Variants in ELF1 observed in about 807,000 individuals in gnomAD.
ELF1 encodes ETS-related transcription factor Elf-1.
Under a neutral mutation model 59.9 loss-of-function variants are expected in ELF1, and 24 were observed. That is an observed-to-expected ratio of 0.40 (90% CI 0.29 to 0.56). The LOEUF is 0.56. Among genes scored for constraint, ELF1 ranks in the 20% least tolerant of loss-of-function variants. The pLI is 0.44. For synonymous variants in ELF1, 248 were observed against 266.2 expected (o/e 0.93, Z 0.67); for missense variants, 627 against 742.2 (o/e 0.84, Z 1.80).
chr13:40,965,595 T>A (rs562733346), intron 2 of ELF1, among the ~76,000 whole-genome samples: 1 of 152,000 alleles, frequency 6.6e-6, no homozygotes, highest in Admixed American at 6.6e-5. Flanking sequence ...CACTCCAACC[T>A]GGGTGATAGA....
chr13:41,015,784 C>T (rs761392593), intron 1 of ELF1, among the ~76,000 whole-genome samples: 21 of 152,062 alleles, frequency 1.4e-4, no homozygotes, highest in Admixed American at 2.6e-4. Flanking sequence ...TAAAGATGTG[C>T]CATCTTTAAC....
rs201843324 is a variant in ELF1 at position 41,043,939 on chromosome 13, G to A, written c.-229+16899C>T. Among the ~76,000 whole-genome samples the A allele has an allele frequency of 2.0e-4, 30 of 152,274 alleles. 1 individual carries two copies. In the East Asian group the frequency reaches 5.0e-3, roughly 25 times the overall value. ...TTCTGCCTATCCATGAGCATGGAAT[G>A]TTCTTCCATTTGTTTGTGTCCTCTT... On this transcript the variant is annotated intron_variant, in intron 1 of 1. Transcript: ENST00000405737.
rs1221729054 is a variant in ELF1, at chr13:40,940,961, T to C, written c.1216A>G (p.Met406Val). ...PEGEAARTST[M>V]QDETLNSSVQ... is the part of the protein sequence containing the mutation. Reference sequence around the variant, plus strand: ...GAAGAATTTAATGTTTCATCCTGCATGGTACTGGTTCTAGCTGCTTCTCCC... The same window carrying C: ...GAAGAATTTAATGTTTCATCCTGCACGGTACTGGTTCTAGCTGCTTCTCCC... The change falls in exon 8 of 9, where the codon ATG becomes GTG. Residue 406 changes from methionine to valine, a missense_variant. Physicochemically the swap from Met to Val is conservative, Grantham distance 21 (BLOSUM62 1). Around this residue, in one of 3 missense-constraint regions of ELF1, gnomAD observed 361 missense variants for 396.1 expected, o/e 0.91. Transcript: ENST00000239882. The C allele has an allele frequency of 4.3e-6, 7 of 1,614,032 alleles. No homozygotes were observed. The highest frequency in any genetic ancestry group is 1.1e-5 in the South Asian group (1 of 91,080).
chr13:40,940,322 T>A (rs1336220838), intron 8 of ELF1, among the ~76,000 whole-genome samples: 1 of 144,110 alleles, frequency 6.9e-6, no homozygotes, highest in Non-Finnish European at 1.5e-5. Context: ...GGCAGACAGA[T>A]CCTCTCAGTC....
At chr13:41,053,725 T>C (rs1566201988) in intron 1 of ELF1, among the ~76,000 whole-genome samples, 1 of 152,258 alleles carries the variant, frequency 6.6e-6, no homozygotes. Flanking sequence ...AACTGAAACA[T>C]TTCCTGAGTT....
chr13:40,980,921 G>A (rs1873222899), intron 2 of ELF1, among the ~76,000 whole-genome samples: 1 of 152,000 alleles, frequency 6.6e-6, no homozygotes, highest in Non-Finnish European at 1.5e-5. Flanking sequence ...AGCTCATCCT[G>A]CTGTTAAGGC....
chr13:40,933,294 CA>C lies in ELF1; in HGVS notation c.*130del. The C allele has an allele frequency of 8.2e-7, 1 of 1,224,064 alleles. No homozygotes were observed. Among genetic ancestry groups the C allele is most frequent in the Non-Finnish European group, 1.1e-6 (1 of 907,596 alleles). The allele number at this position is 1,224,064 out of a possible 1,614,324, so 75.8% of individuals were successfully genotyped here. A position where few individuals can be genotyped will look rare whatever the true frequency, so the allele number is the denominator to read the frequency against. On this transcript the variant is annotated 3_prime_UTR_variant, in exon 9 of 9. Coordinates refer to ENST00000239882, the MANE Select transcript of ELF1 (RefSeq NM_172373.4). The stretch of plus-strand genomic sequence containing the variant: ...GTTTTCCTCCCTCATCTAACAAAGT[CA>C]AAATTAACTCTATTTTTAACAATTA...
chr13:40,983,820 T>C (rs1049984443), intron 1 of ELF1, among the ~76,000 whole-genome samples: 58 of 152,302 alleles, frequency 3.8e-4, no homozygotes, highest in African/African-American at 1.3e-3. Context: ...CTGCCTTATG[T>C]TCCTCCACAC....
At chr13:40,975,038 G>A (rs1329132981) in intron 2 of ELF1, among the ~76,000 whole-genome samples, 1 of 152,152 alleles carries the variant, frequency 6.6e-6, no homozygotes, top group African/African-American at 2.4e-5. Flanking sequence ...GCTTTTAATG[G>A]ATTTCTTAAG....
intron 5 of ELF1, among the ~76,000 whole-genome samples, chr13:40,945,849 T>C (rs951061101): frequency 2.6e-5 from 4 of 152,208 alleles, no homozygotes. Context: ...TTTCATTTCA[T>C]TTTTTTGTTT....
chr13:41,021,617 T>C (rs898845488), upstream of ELF1, among the ~76,000 whole-genome samples: 4 of 152,246 alleles, frequency 2.6e-5, no homozygotes, highest in East Asian at 3.8e-4. Flanking sequence ...TTAACAATCC[T>C]GCATCATAAC....
chr13:40,945,951 C>T (rs1326050615), intron 5 of ELF1, among the ~76,000 whole-genome samples: 1 of 152,210 alleles, frequency 6.6e-6, no homozygotes, highest in African/African-American at 2.4e-5. Flanking sequence ...TCAAGCGATT[C>T]TCGTGCCTCA....
intron 1 of ELF1, among the ~76,000 whole-genome samples, chr13:41,025,674 C>A (rs946798404): frequency 2.6e-5 from 4 of 152,174 alleles, no homozygotes; most frequent in African/African-American, 9.7e-5. Flanking sequence ...TTACTATGTG[C>A]CAGGTACTGT....
At chr13:41,038,140 A>C (rs1876461447) in intron 1 of ELF1, among the ~76,000 whole-genome samples, 1 of 152,182 alleles carries the variant, frequency 6.6e-6, no homozygotes. Context: ...TACAGGAATA[A>C]ATAGGACAGG....
chr13:41,010,554 T>C (rs9590569), intron 1 of ELF1, among the ~76,000 whole-genome samples: 53,123 of 149,206 alleles, frequency 0.36, 10,903 homozygotes, highest in East Asian at 0.6. Context: ...CATCGAAAAC[T>C]AATCTAGTTT....
chr13:40,996,092 G>A (rs1473142305), intron 1 of ELF1, among the ~76,000 whole-genome samples: 1 of 152,134 alleles, frequency 6.6e-6, no homozygotes, highest in Non-Finnish European at 1.5e-5. Context: ...TGTCACTGGG[G>A]AAATGCAAAC....
chr13:41,003,191 G>T (rs1454778659), intron 1 of ELF1, among the ~76,000 whole-genome samples: 1 of 151,968 alleles, frequency 6.6e-6, no homozygotes, highest in African/African-American at 2.4e-5. Context: ...GTATTTTTCT[G>T]ATCCAAACTC....
At chr13:40,973,450 C>T (rs1872706016) in intron 2 of ELF1, among the ~76,000 whole-genome samples, 2 of 152,094 alleles carry the variant, frequency 1.3e-5, no homozygotes, top group South Asian at 4.1e-4. Context: ...AAATGACCCT[C>T]TTTTTTAAAA....
At position 41,011,711 on chromosome 13, in the gene ELF1, T is replaced by C. The variant is rs1213691417; in HGVS notation, c.-229+7517A>G. Among the ~76,000 whole-genome samples the C allele has an allele frequency of 3.9e-5, 6 of 152,300 alleles. No homozygotes were observed. In the East Asian group the frequency reaches 1.2e-3, roughly 29 times the overall value. ...CACCTGCCTTGGCCTCCCAAAGTGC[T>C]GGGATTACAGGCTTGAGCCACCGTG... On this transcript the variant is annotated intron_variant, in intron 1 of 8. Transcript: ENST00000239882.
Sources: gnomAD v4.1 joint callset for allele counts (sites outside exome capture counted in the v4.1 genomes callset) on GRCh38, gnomAD v4.1.1 for gene constraint, gnomAD v4.1.1 regional missense constraint, MANE v1.5 for transcripts, NCBI Gene and HGNC (gene_info 2026-07-23, HGNC 2026-07-21) for gene names.